The following PCDHGA6 variants were observed in gnomAD, a reference collection of about 807,000 sequenced individuals.
PCDHGA6 encodes the protein protocadherin gamma subfamily A, 6, also known as protocadherin gamma-A6.
PCDHGA6 carries 41 observed loss-of-function variants against 60.6 expected under a neutral mutation model. The ratio of observed to expected loss-of-function variants is 0.68; its 90% CI spans 0.53 to 0.88. PCDHGA6 has a LOEUF of 0.88. PCDHGA6 is among the 40% of genes least tolerant of loss of function. The pLI is 0.00. For synonymous variants in PCDHGA6, 594 were observed against 524.4 expected, an observed-to-expected ratio of 1.13 and a Z score of -1.81; for missense variants, 1,312 against 1,203.0, an observed-to-expected ratio of 1.09 and a Z score of -1.34.
rs760709557 is a variant in PCDHGA6, at chr5:141,384,156, C to T, written c.2424+7649C>T. The T allele has an allele frequency of 1.6e-5, 26 of 1,613,342 alleles. No homozygotes were observed. The Admixed American group carries it at 4.2e-4, about 26-fold the overall frequency. ...ACCGGGAAACACTCTCTTTGTATAA[C>T]ATCACACTGAAAGCCACAGATGGTG... On this transcript the variant is annotated intron_variant, in intron 1 of 3. Transcript: ENST00000517434.
chr5:141,494,914 A>G (rs906245656), intron 2 of PCDHGA6, 49 bp downstream of exon 2: 5 of 1,613,708 alleles, frequency 3.1e-6, no homozygotes, highest in Admixed American at 1.7e-5. Context: ...GCATTTTCTC[A>G]GGGATGACGT....
chr5:141,399,955 C>G, intron 1 of PCDHGA6: 1 of 1,612,146 alleles, frequency 6.2e-7, no homozygotes. Flanking sequence ...GGCTAGCGAG[C>G]CCGGGCTCTT....
chr5:141,481,104 C>T (rs2099531861), intron 1 of PCDHGA6, among the ~76,000 whole-genome samples: 1 of 152,130 alleles, frequency 6.6e-6, no homozygotes. Context: ...ACTCTGGAAC[C>T]TACCAATCCA....
chr5:141,496,981 T>A (rs928774783), intron 2 of PCDHGA6, among the ~76,000 whole-genome samples: 1 of 150,304 alleles, frequency 6.7e-6, no homozygotes, highest in African/African-American at 2.5e-5. Context: ...AGGTCAGGGG[T>A]TTGAGACCAG....
chr5:141,403,004 T>A, intron 1 of PCDHGA6: 1 of 1,613,990 alleles, frequency 6.2e-7, no homozygotes, highest in Non-Finnish European at 8.5e-7. Context: ...CCTGCTATGC[T>A]CGCTCCTGGG....
intron 1 of PCDHGA6, chr5:141,408,226 G>T (rs909432449): frequency 2.1e-5 from 33 of 1,562,288 alleles, no homozygotes; most frequent in Admixed American, 3.9e-5. Flanking sequence ...GCGCGCAGAG[G>T]CGCCGGGCCG....
In PCDHGA6 at chr5:141,421,903, G is replaced by T. The variant is rs757656265; in HGVS notation, c.2424+45396G>T. 2.5e-6 allele frequency: 4 copies of T among 1,613,704 alleles called. No homozygotes were observed. In the East Asian group the frequency reaches 6.7e-5, roughly 27 times the overall value. ...TGGAGGCGATCCCATCCGAAAGGGCGCAGTTCCCATTCGTGTGGTGGTCCT... is the reference window on the plus strand; with the variant it reads ...TGGAGGCGATCCCATCCGAAAGGGCTCAGTTCCCATTCGTGTGGTGGTCCT... On this transcript the variant is annotated intron_variant, in intron 1 of 3. Transcript: ENST00000517434.
In PCDHGA6 at chr5:141,398,481, C is replaced by T. The variant is rs377302058; in HGVS notation, c.2424+21974C>T. ...CTGAAAATCCACTGAACTTTTATCACGTGAATGTGGAGATCGAGGACATTA... is the reference window on the plus strand; with the variant it reads ...CTGAAAATCCACTGAACTTTTATCATGTGAATGTGGAGATCGAGGACATTA... On this transcript the variant is annotated intron_variant, in intron 1 of 3. Transcript: ENST00000517434. The T allele has an allele frequency of 6.8e-6, 11 of 1,607,008 alleles. No individual in the cohort carries two copies. In the African/African-American group the frequency reaches 8.1e-5, roughly 12 times the overall value.
chr5:141,473,680 C>T (rs888876529), intron 1 of PCDHGA6, among the ~76,000 whole-genome samples: 3 of 152,100 alleles, frequency 2.0e-5, no homozygotes, highest in Non-Finnish European at 2.9e-5. Flanking sequence ...CAGGGAAGGG[C>T]TGGGGTTCTG....
At position 141,486,791 on chromosome 5, in the gene PCDHGA6, C is replaced by T. The variant is rs766519569; in HGVS notation, c.2425-8016C>T. 1.8e-5 allele frequency: 29 copies of T among 1,614,108 alleles called. No homozygotes were observed. The highest frequency in any genetic ancestry group is 2.2e-5 in the Non-Finnish European group (26 of 1,180,054). On this transcript the variant is annotated intron_variant, in intron 1 of 3. Coordinates refer to ENST00000517434, the MANE Select transcript of PCDHGA6 (RefSeq NM_018919.3). The surrounding 1 kb of genome is among the most constrained non-coding windows in gnomAD (Gnocchi z 5.0). ...GCAGTTTGAGGTGCAGGCCCGGGAT[C>T]GGGGCAACCCACCCCTTAGCAGCAC...
In PCDHGA6 at chr5:141,490,701, C is replaced by T; in HGVS notation, c.2425-4106C>T. On this transcript the variant is annotated intron_variant, in intron 1 of 3. Transcript: ENST00000517434. This position sits in a 1 kb window ranked among gnomAD's most constrained non-coding sequence, Gnocchi z 5.4. Reference sequence around the variant, plus strand: ...CAGATCCAGACACTGGGGATAATGCCCGCCTCACCTACTCCATTGTAGGAA... The same window carrying T: ...CAGATCCAGACACTGGGGATAATGCTCGCCTCACCTACTCCATTGTAGGAA... The T allele has an allele frequency of 6.2e-7, 1 of 1,614,184 alleles. No individual in the cohort carries two copies. The highest frequency in any genetic ancestry group is 8.5e-7 in the Non-Finnish European group (1 of 1,180,008).
At chr5:141,436,849 T>C (rs1007573014) in intron 1 of PCDHGA6, among the ~76,000 whole-genome samples, 11 of 152,256 alleles carry the variant, frequency 7.2e-5, no homozygotes, top group African/African-American at 2.7e-4. Context: ...ACATTCTTGA[T>C]TGAGAAGCCA....
intron 1 of PCDHGA6, among the ~76,000 whole-genome samples, chr5:141,481,184 C>A (rs2099533291): frequency 6.6e-6 from 1 of 152,146 alleles, no homozygotes; most frequent in African/African-American, 2.4e-5. Flanking sequence ...CTTTATTGGG[C>A]CAGGCCCAAT....
At chr5:141,393,602 T>G in intron 1 of PCDHGA6, 1 of 1,613,892 alleles carries the variant, frequency 6.2e-7, no homozygotes, top group Non-Finnish European at 8.5e-7. Context: ...GGCTGCTTAC[T>G]GTAACAGCCA....
In PCDHGA6 at chr5:141,511,532, T is replaced by G. The variant is rs548369303; in HGVS notation, c.*359T>G. Reference sequence around the variant, plus strand: ...GCCCATCCATCCCATGCCTCCCTCCTCCCCACCCCACTCCAACAGTTCCTC... The same window carrying G: ...GCCCATCCATCCCATGCCTCCCTCCGCCCCACCCCACTCCAACAGTTCCTC... On this transcript the variant is annotated 3_prime_UTR_variant, in exon 4 of 4. Transcript: ENST00000517434. 3.6e-5 allele frequency: 12 copies of G among 335,506 alleles called. No homozygotes were observed. In the East Asian group the frequency reaches 8.0e-4, roughly 22 times the overall value. The allele number at this position is 335,506 out of a possible 1,614,324, so 20.8% of individuals were successfully genotyped here. A position where few individuals can be genotyped will look rare whatever the true frequency, so the allele number is the denominator to read the frequency against.
At chr5:141,403,525 C>T (rs1427557410) in intron 1 of PCDHGA6, 1 of 1,614,002 alleles carries the variant, frequency 6.2e-7, no homozygotes, top group South Asian at 1.1e-5. Flanking sequence ...GAGCCATAAA[C>T]CCAGAGCTGG....
At chr5:141,417,452 C>A in intron 1 of PCDHGA6, 1 of 173,536 alleles carries the variant, frequency 5.8e-6, no homozygotes, top group Non-Finnish European at 1.2e-5. Flanking sequence ...ATAGTTATGA[C>A]CAAGTGGAAA....
At chr5:141,385,492 A>T in intron 1 of PCDHGA6, 15 of 1,394,884 alleles carry the variant, frequency 1.1e-5, no homozygotes, top group Non-Finnish European at 1.4e-5. Flanking sequence ...AACACATAGG[A>T]TATAGTATTT....
At chr5:141,483,640 G>T (rs1406049976) in intron 1 of PCDHGA6, among the ~76,000 whole-genome samples, 3 of 144,232 alleles carry the variant, frequency 2.1e-5, no homozygotes, top group Non-Finnish European at 4.5e-5. Flanking sequence ...GTATAGAGGG[G>T]TGTGTGTTTG....
Sources: allele counts gnomAD v4.1 joint callset (sites outside exome capture counted in the v4.1 genomes callset), GRCh38; gene constraint gnomAD v4.1.1; non-coding constraint Gnocchi (gnomAD v3.1); transcripts MANE v1.5; gene names NCBI Gene and HGNC (gene_info 2026-07-23, HGNC 2026-07-21).